PLEKHO1: variants seen among roughly 807,000 people sequenced by gnomAD.
PLEKHO1 encodes the protein pleckstrin homology domain-containing family O member 1.
A neutral mutation model predicts 41.4 loss-of-function variants in PLEKHO1; 22 were observed. The observed-to-expected ratio is 0.53, with a 90% CI of 0.38 to 0.76. The LOEUF (loss-of-function observed/expected upper bound fraction) is 0.76, where lower values mean the gene tolerates loss of function less well. PLEKHO1 is among the 30% of genes least tolerant of loss of function. PLEKHO1 has a pLI of 0.00. For missense variants in PLEKHO1, 488 were observed against 518.3 expected, an observed-to-expected ratio of 0.94 and a Z score of 0.57; for synonymous variants, 225 against 210.8, an observed-to-expected ratio of 1.07 and a Z score of -0.58.
chr1:150,156,405 C>G (rs1553820433), intron 3 of PLEKHO1, among the ~76,000 whole-genome samples, 199 bp downstream of exon 3: 1 of 152,178 alleles, frequency 6.6e-6, no homozygotes, highest in African/African-American at 2.4e-5. Context: ...TTAACCTGTT[C>G]AGCCACAAAG....
chr1:150,158,415 G>A (rs587714812), intron 5 of PLEKHO1, among the ~76,000 whole-genome samples: 2 of 152,178 alleles, frequency 1.3e-5, no homozygotes, highest in Admixed American at 6.5e-5. Flanking sequence ...GCCAGGCAGG[G>A]GGGCTCACAC....
chr1:150,150,242 C>T lies in PLEKHO1; in HGVS notation c.-16C>T, dbSNP rs1553818304. ...CCGCCCCTCGGCTCGCCGCCCCGCG[C>T]CCGCGCCCGCTGGGAATGATGAAGA... On this transcript the variant is annotated 5_prime_UTR_variant, in exon 1 of 6. Coordinates refer to ENST00000369124, the MANE Select transcript of PLEKHO1 (RefSeq NM_016274.6). The T allele has an allele frequency of 4.6e-6, 5 of 1,077,518 alleles. No individual in the cohort carries two copies. The highest frequency in any genetic ancestry group is 1.7e-5 in the African/African-American group (1 of 58,704). The allele number at this position is 1,077,518 out of a possible 1,614,324, so 66.7% of individuals were successfully genotyped here. A position where few individuals can be genotyped will look rare whatever the true frequency, so the allele number is the denominator to read the frequency against.
At chr1:150,152,288 A>G (rs1009732799) in intron 2 of PLEKHO1, among the ~76,000 whole-genome samples, 1 of 152,166 alleles carries the variant, frequency 6.6e-6, no homozygotes, top group Non-Finnish European at 1.5e-5. Flanking sequence ...AAAACTAGCA[A>G]GTTGGTGATG....
intron 2 of PLEKHO1, chr1:150,155,292 T>G (rs1553820112): frequency 2.0e-5 from 3 of 152,122 alleles, no homozygotes; most frequent in African/African-American, 7.2e-5. Flanking sequence ...TTTTTCCAAG[T>G]CTAAAGTGTA....
rs1553820368 is a variant in PLEKHO1, at chr1:150,156,177, C to G, written c.289C>G (p.Leu97Val). 1 of 1,614,000 alleles carries G rather than the reference C, an allele frequency of 6.2e-7. No individual in the cohort carries two copies. The highest frequency in any genetic ancestry group is 8.5e-7 in the Non-Finnish European group (1 of 1,179,952). The change falls in exon 3 of 6, where the codon CTT becomes GTT. Residue 97 changes from leucine to valine, a missense_variant. Leu to Val is a conservative substitution (Grantham distance 32). Coordinates refer to ENST00000369124, the MANE Select transcript of PLEKHO1 (RefSeq NM_016274.6). ...RSKKNHSKFT[L>V]AHSKQPGNTA... ...CAAGAAAAATCATAGCAAGTTTACT[C>G]TTGCCCACTCCAAACAGCCCGGTAA...
Position 150,158,990 on chromosome 1 carries a change from T to C in PLEKHO1, c.697T>C (p.Ser233Pro), listed in dbSNP as rs1553821223. 1.2e-6 allele frequency: 2 copies of C among 1,613,840 alleles called. No homozygotes were observed. The highest frequency in any genetic ancestry group is 1.3e-5 in the African/African-American group (1 of 74,916). Residue 233 changes from serine to proline, a missense_variant, in exon 6 of 6, where the codon TCC becomes CCC. By Grantham distance (74) the Ser-to-Pro change is moderately conservative. Around this residue, in one of 3 missense-constraint regions of PLEKHO1, gnomAD observed 337 missense variants for 324.6 expected, o/e 1.04. Transcript: ENST00000369124. ...AGCGGACTCAGACCGCATCCAGCCC[T>C]CCGCAGACCGGGCAAGCAGTCTCTC... The part of the protein sequence containing the change: ...RRADSDRIQP[S>P]ADRASSLSRP...
chr1:150,157,033 G>A lies in PLEKHO1; in HGVS notation c.423+18G>A. ...TGGATGAGGTCAGGGGGCTCACTGT[G>A]GGGAGAGGGAGGAACGCTGGGGCAG... is the stretch of plus-strand genomic sequence containing the variant. On this transcript the variant is annotated intron_variant, in intron 4 of 5. Coordinates refer to ENST00000369124, the MANE Select transcript of PLEKHO1 (RefSeq NM_016274.6). 6.7e-7 allele frequency: 1 copy of A among 1,501,974 alleles called. No individual in the cohort carries two copies. Among genetic ancestry groups the A allele is most frequent in the Non-Finnish European group, 9.3e-7 (1 of 1,077,686 alleles). 93.0% of individuals were successfully genotyped at this position (1,501,974 alleles called of 1,614,324 possible).
chr1:150,151,042 A>G lies in PLEKHO1; in HGVS notation c.161A>G (p.Tyr54Cys), dbSNP rs144644257. The G allele has an allele frequency of 5.1e-5, 83 of 1,613,984 alleles. No homozygotes were observed. The highest frequency in any genetic ancestry group is 6.4e-5 in the Non-Finnish European group (76 of 1,179,968). ...RYVVLKGDQLYISEKEVKDEK... is the reference protein window; with the variant it reads ...RYVVLKGDQLCISEKEVKDEK... ...GTGGTGCTGAAAGGGGACCAGCTCT[A>G]CATCTCTGAGAAGGAGGTGGGTGCC... is the stretch of plus-strand genomic sequence containing the variant. Residue 54 changes from tyrosine to cysteine, a missense_variant, in exon 2 of 6, where the codon TAC becomes TGC. Transcript: ENST00000369124.
rs1228796080 is a variant in PLEKHO1, at chr1:150,150,188, C to T, written c.-70C>T. On this transcript the variant is annotated 5_prime_UTR_variant, in exon 1 of 6. Transcript: ENST00000369124. Reference sequence around the variant, plus strand: ...CGCCCTCCCGCGGGGAAGGAGCCCCCGCGGTGCCGCCGAGGCCCCGACGCG... The same window carrying T: ...CGCCCTCCCGCGGGGAAGGAGCCCCTGCGGTGCCGCCGAGGCCCCGACGCG... 7.9e-5 allele frequency: 60 copies of T among 760,956 alleles called. No individual in the cohort carries two copies. The highest frequency in any genetic ancestry group is 8.6e-5 in the Non-Finnish European group (53 of 619,346). 47.1% of individuals were successfully genotyped at this position (760,956 alleles called of 1,614,324 possible).
In PLEKHO1 at chr1:150,159,095, C is replaced by T. The variant is rs115889989; in HGVS notation, c.802C>T (p.Arg268Cys). ...GAAGTTGACGCCCACAGAGAAAGGCCGCTGCGCCTCCCTGGAGGAGATCCT... is the reference window on the plus strand; with the variant it reads ...GAAGTTGACGCCCACAGAGAAAGGCTGCTGCGCCTCCCTGGAGGAGATCCT... ...PKKLTPTEKG[R>C]CASLEEILSQ... The change falls in exon 6 of 6, where the codon CGC (arginine) becomes TGC (cysteine). Residue 268 changes from arginine to cysteine, a missense_variant. Physicochemically the swap from Arg to Cys is radical, Grantham distance 180 (BLOSUM62 -3). Transcript: ENST00000369124. 1.2e-5 allele frequency: 20 copies of T among 1,613,892 alleles called. No homozygotes were observed. The highest frequency in any genetic ancestry group is 4.5e-5 in the East Asian group (2 of 44,866).
chr1:150,156,218 C>G lies in PLEKHO1; in HGVS notation c.318+12C>G, dbSNP rs782032568. The G allele has an allele frequency of 1.2e-6, 2 of 1,611,616 alleles. No homozygotes were observed. Among genetic ancestry groups the G allele is most frequent in the African/African-American group, 2.7e-5 (2 of 74,860 alleles). Reference sequence around the variant, plus strand: ...AGCCCGGTAACACGGTATGTTTCTCCTGCCACCTTGGCTGCTGGAACATGG... The same window carrying G: ...AGCCCGGTAACACGGTATGTTTCTCGTGCCACCTTGGCTGCTGGAACATGG... On this transcript the variant is annotated intron_variant, in intron 3 of 5. Transcript: ENST00000369124.
At chr1:150,157,180 A>G in intron 4 of PLEKHO1, 165 bp downstream of exon 4, 1 of 696,622 alleles carries the variant, frequency 1.4e-6, no homozygotes, top group Non-Finnish European at 2.6e-6. Flanking sequence ...CCTTCTCTCC[A>G]AGTCTCATCT....
Position 150,159,700 on chromosome 1 carries a change from C to T in PLEKHO1, c.*177C>T, listed in dbSNP as rs782347148. 6 of 539,354 alleles carry T rather than the reference C, an allele frequency of 1.1e-5. No homozygotes were observed. Among genetic ancestry groups the T allele is most frequent in the Admixed American group, 6.2e-5 (2 of 32,114 alleles). The allele number at this position is 539,354 out of a possible 1,614,324, so 33.4% of individuals were successfully genotyped here. A position where few individuals can be genotyped will look rare whatever the true frequency, so the allele number is the denominator to read the frequency against. The stretch of plus-strand genomic sequence containing the variant: ...CCCCACCTACTTTCCATATGCCCCT[C>T]GTATGCCCCTCAGGTTTGAGGAAGT... On this transcript the variant is annotated 3_prime_UTR_variant, in exon 6 of 6. Coordinates refer to ENST00000369124, the MANE Select transcript of PLEKHO1 (RefSeq NM_016274.6).
rs782472584 is a variant in PLEKHO1 at position 150,150,234 on chromosome 1, G to GC, written c.-20dup. On this transcript the variant is annotated 5_prime_UTR_variant, in exon 1 of 6. Transcript: ENST00000369124. ...ACGCGGGGCCGCCCCTCGGCTCGCC[G>GC]CCCCGCGCCCGCGCCCGCTGGGAAT... is the stretch of plus-strand genomic sequence containing the variant. 78 of 1,047,528 alleles carry GC rather than the reference G, an allele frequency of 7.4e-5. No homozygotes were observed. Among genetic ancestry groups the GC allele is most frequent in the Middle Eastern group, 8.8e-4 (2 of 2,270 alleles). The allele number at this position is 1,047,528 out of a possible 1,614,324, so 64.9% of individuals were successfully genotyped here.
chr1:150,150,288 G>A lies in PLEKHO1; in HGVS notation c.30+1G>A, dbSNP rs1553818343. The A allele has an allele frequency of 1.8e-6, 2 of 1,112,824 alleles. No individual in the cohort carries two copies. Among genetic ancestry groups the A allele is most frequent in the Non-Finnish European group, 1.1e-6 (1 of 902,958 alleles). The allele number at this position is 1,112,824 out of a possible 1,614,324, so 68.9% of individuals were successfully genotyped here. ...GAAGAAGAACAATTCCGCCAAGCGG[G>A]TGAGTGCGCTTGCCCGCCCTGCGGC... On this transcript the variant is annotated splice_donor_variant, in intron 1 of 5. Transcript: ENST00000369124. LOFTEE classifies it high-confidence loss of function.
Position 150,155,164 on chromosome 1 carries a change from T to C in PLEKHO1, c.178-902T>C, listed in dbSNP as rs587613706. 5 of 151,920 alleles carry C rather than the reference T, an allele frequency of 3.3e-5. No individual in the cohort carries two copies. The East Asian group carries it at 9.7e-4, about 29-fold the overall frequency. The allele number at this position is 151,920 out of a possible 1,614,324, so 9.4% of individuals were successfully genotyped here. A position where few individuals can be genotyped will look rare whatever the true frequency, so the allele number is the denominator to read the frequency against. Reference sequence around the variant, plus strand: ...AAACCTGCTAAAGGTGGAACCAGAGTGCGGGACGGAGACTATAGCAGGGAG... The same window carrying C: ...AAACCTGCTAAAGGTGGAACCAGAGCGCGGGACGGAGACTATAGCAGGGAG... On this transcript the variant is annotated intron_variant, in intron 2 of 5. Coordinates refer to ENST00000369124, the MANE Select transcript of PLEKHO1 (RefSeq NM_016274.6).
chr1:150,149,903 G>A (rs1163969103), upstream of PLEKHO1: 3 of 151,322 alleles, frequency 2.0e-5, no homozygotes, highest in South Asian at 2.1e-4. Flanking sequence ...GCGGGGTGCG[G>A]ACTGGGCCGC....
chr1:150,155,115 G>C (rs1466232603), intron 2 of PLEKHO1: 1 of 152,276 alleles, frequency 6.6e-6, no homozygotes, highest in African/African-American at 2.4e-5. Context: ...TTCAGCAGGA[G>C]TGCTAAGAGC....
At chr1:150,155,924 T>C (rs1293370030) in intron 2 of PLEKHO1, 142 bp from the exon 3 acceptor site, 1 of 718,628 alleles carries the variant, frequency 1.4e-6, no homozygotes, top group Non-Finnish European at 2.4e-6. Flanking sequence ...CCTTGTAGGC[T>C]TTGGGCAGAC....
Sources: allele counts gnomAD v4.1 joint callset (sites outside exome capture counted in the v4.1 genomes callset), GRCh38; gene constraint gnomAD v4.1.1; regional missense constraint gnomAD v4.1.1; transcripts MANE v1.5; gene names NCBI Gene and HGNC (gene_info 2026-07-23, HGNC 2026-07-21).